C12orf76: variants seen among roughly 807,000 people sequenced by gnomAD.
C12orf76 encodes the protein chromosome 12 open reading frame 76.
A neutral mutation model predicts 6.8 loss-of-function variants in C12orf76; 6 were observed. That is an observed-to-expected ratio of 0.88 (90% CI 0.48 to 1.73). The LOEUF is 1.73. Ranked by LOEUF, C12orf76 falls within the 40% of genes most tolerant of loss-of-function variation. The pLI, the probability that C12orf76 is intolerant of heterozygous loss-of-function variation, is 0.01. For missense variants in C12orf76, 99 were observed against 98.2 expected (o/e 1.01, Z -0.03); for synonymous variants, 56 against 43.7 (o/e 1.28, Z -1.11).
chr12:110,048,198 T>C (rs932879765), intron 1 of C12orf76, among the ~76,000 whole-genome samples, 165 bp downstream of exon 1: 15 of 152,208 alleles, frequency 9.9e-5, no homozygotes, highest in Admixed American at 6.5e-4. Context: ...CCCAGGCTTT[T>C]GGAGAGGGAG....
chr12:110,058,933 C>G (rs570037113), intron 3 of C12orf76: 13 of 1,473,904 alleles, frequency 8.8e-6, no homozygotes, highest in African/African-American at 5.7e-5. Context: ...CTTACTCCCC[C>G]CCACCAAAAA....
upstream of C12orf76, among the ~76,000 whole-genome samples, chr12:110,051,744 AT>A (rs1167123052): frequency 6.6e-6 from 1 of 151,250 alleles, no homozygotes; most frequent in Non-Finnish European, 1.5e-5. Context: ...ATTCTTTAAC[AT>A]TGCCTAACAT....
At chr12:110,067,102 A>G (rs1436540704) in intron 1 of C12orf76, among the ~76,000 whole-genome samples, 1 of 152,224 alleles carries the variant, frequency 6.6e-6, no homozygotes, top group Non-Finnish European at 1.5e-5. Context: ...AATCTTCCCA[A>G]GAGAATGCAA....
rs186241545 is a variant in C12orf76 at position 110,047,455 on chromosome 12, G to A, written c.133+908C>T. Among the ~76,000 whole-genome samples the A allele has an allele frequency of 1.0e-3, 158 of 152,256 alleles. 1 individual carries two copies. The highest frequency in any genetic ancestry group is 3.7e-3 in the African/African-American group (153 of 41,548). On this transcript the variant is annotated intron_variant, in intron 1 of 1. Coordinates refer to ENST00000615315, the MANE Select transcript of C12orf76 (RefSeq NM_001389625.1). ...TGTAATCCCAACACTTTGGGAGGCC[G>A]AGGCAGGAGGATTGCTTGAGCCCAA...
chr12:110,070,902 G>A (rs1328332209), upstream of C12orf76, among the ~76,000 whole-genome samples: 1 of 152,158 alleles, frequency 6.6e-6, no homozygotes, highest in African/African-American at 2.4e-5. Flanking sequence ...AGCTTACCGA[G>A]TAGCTGGAAT....
chr12:110,070,258 AAAAAG>A (rs1227542940), upstream of C12orf76, among the ~76,000 whole-genome samples: 3 of 149,032 alleles, frequency 2.0e-5, no homozygotes, highest in Admixed American at 6.7e-5. Context: ...AAAGAAAAAG[AAAAAG>A]AAAAGAAAAG....
chr12:110,045,049 A>G (rs1338079084), intron 1 of C12orf76, among the ~76,000 whole-genome samples: 2 of 152,226 alleles, frequency 1.3e-5, no homozygotes, highest in Non-Finnish European at 2.9e-5. Flanking sequence ...GGAGAAGGTG[A>G]CAAAGACAGC....
At chr12:110,048,173 G>A (rs1489185633) in intron 1 of C12orf76, among the ~76,000 whole-genome samples, 190 bp downstream of exon 1, 1 of 152,232 alleles carries the variant, frequency 6.6e-6, no homozygotes, top group Non-Finnish European at 1.5e-5. Context: ...GAGAGGCAAA[G>A]TTCAGGCCTT....
chr12:110,068,902 C>T (rs140732052), upstream of C12orf76, among the ~76,000 whole-genome samples: 3 of 152,188 alleles, frequency 2.0e-5, no homozygotes, highest in Admixed American at 6.5e-5. Context: ...TTGGTATACC[C>T]GCTACACAGA....
rs202140938 is a variant in C12orf76 at position 110,041,920 on chromosome 12, TA to T, written c.*453del. The T allele has an allele frequency of 0.021, 3,390 of 158,702 alleles. 39 individuals carry two copies. Among genetic ancestry groups the T allele is most frequent in the South Asian group, 0.063 (370 of 5,908 alleles). 9.8% of individuals were successfully genotyped at this position (158,702 alleles called of 1,614,324 possible). A position where few individuals can be genotyped will look rare whatever the true frequency, so the allele number is the denominator to read the frequency against. ...CATTCTAGGCTAACTCAGGTGAGAT[TA>T]AAAAAAAAAATCTGTGATTCTTAAC... On this transcript the variant is annotated 3_prime_UTR_variant, in exon 2 of 2. Transcript: ENST00000615315.
At chr12:110,047,614 G>T (rs1892483824) in intron 1 of C12orf76, among the ~76,000 whole-genome samples, 1 of 152,008 alleles carries the variant, frequency 6.6e-6, no homozygotes, top group African/African-American at 2.4e-5. Flanking sequence ...AACCCAGGAG[G>T]CCGAGGCTGC....
chr12:110,043,154 A>G (rs1892360321), intron 1 of C12orf76, among the ~76,000 whole-genome samples: 1 of 152,164 alleles, frequency 6.6e-6, no homozygotes. Context: ...CAGCTAAGGA[A>G]GGGCCTTGAG....
chr12:110,060,918 C>A (rs908552329), intron 2 of C12orf76, among the ~76,000 whole-genome samples: 2 of 151,832 alleles, frequency 1.3e-5, no homozygotes, highest in Non-Finnish European at 2.9e-5. Context: ...ACCTGTAATC[C>A]CAGCTACTCA....
At chr12:110,068,376 A>T (rs7298716), upstream of C12orf76, among the ~76,000 whole-genome samples, 9,946 of 148,700 alleles carry the variant, frequency 0.067, 441 homozygotes, top group African/African-American at 0.078. Flanking sequence ...GGGAGAGAGA[A>T]CCTACCTGAT....
chr12:110,059,027 C>T (rs902806632), exon 3 of C12orf76: 25 of 1,551,392 alleles, frequency 1.6e-5, no homozygotes, highest in East Asian at 4.9e-5. Flanking sequence ...ATGAATGAAG[C>T]GAGAAGCTTG....
At chr12:110,044,844 A>G (rs1472079641) in intron 1 of C12orf76, among the ~76,000 whole-genome samples, 1 of 151,368 alleles carries the variant, frequency 6.6e-6, no homozygotes, top group African/African-American at 2.4e-5. Context: ...GTGATGGTGC[A>G]TGCCTGTAAT....
intron 1 of C12orf76, chr12:110,042,673 T>TG (rs1194878902): frequency 3.1e-6 from 2 of 655,040 alleles, no homozygotes; most frequent in Non-Finnish European, 5.5e-6. Context: ...TGATATACCG[T>TG]GAAAAAAAAA....
At chr12:110,068,831 C>T (rs1205983722), upstream of C12orf76, among the ~76,000 whole-genome samples, 1 of 152,186 alleles carries the variant, frequency 6.6e-6, no homozygotes, top group African/African-American at 2.4e-5. Context: ...TCTGGATTGC[C>T]ACCTATGGTC....
upstream of C12orf76, among the ~76,000 whole-genome samples, chr12:110,070,484 T>A (rs147952892): frequency 2.7e-3 from 412 of 152,142 alleles, 3 homozygotes; most frequent in African/African-American, 9.5e-3. Context: ...GAGGATCACA[T>A]GAGCCTGAGA....
Sources: allele counts gnomAD v4.1 joint callset (sites outside exome capture counted in the v4.1 genomes callset), GRCh38; gene constraint gnomAD v4.1.1; transcripts MANE v1.5; gene names NCBI Gene and HGNC (gene_info 2026-07-23, HGNC 2026-07-21).